The following OIP5 variants were observed in gnomAD, a reference collection of about 807,000 sequenced individuals.
OIP5 encodes Opa interacting protein 5, also known as protein Mis18-beta.
A neutral mutation model predicts 20.3 loss-of-function variants in OIP5; 24 were observed. The observed-to-expected ratio is 1.18, with a 90% confidence interval of 0.86 to 1.66. OIP5 has a LOEUF of 1.66. OIP5 is among the 40% of genes most tolerant of loss of function. The pLI is 0.00. For missense variants in OIP5, 339 were observed against 289.5 expected (o/e 1.17, Z -1.24); for synonymous variants, 143 against 121.3 (o/e 1.18, Z -1.17).
chr15:41,321,768 C>T (rs563960920), intron 2 of OIP5, among the ~76,000 whole-genome samples: 1,707 of 150,886 alleles, frequency 0.011, 30 homozygotes, highest in Non-Finnish European at 0.016. Flanking sequence ...TCTCAAGTAC[C>T]CAGGGACACA....
chr15:41,332,341 C>T lies in OIP5; in HGVS notation c.221G>A (p.Arg74Lys). 1 of 1,612,248 alleles carries T rather than the reference C, an allele frequency of 6.2e-7. No individual in the cohort carries two copies. The highest frequency in any genetic ancestry group is 1.3e-5 in the African/African-American group (1 of 75,018). ...CTGTGCGCACTGGAACACAGCGCAC[C>T]TCTCAGGCTGCAGCCAAGACGGCAG... Reference protein sequence around the residue: ...PQLPSWLQPERCAVFQCAQCH... With the variant: ...PQLPSWLQPEKCAVFQCAQCH... The change falls in exon 1 of 5, where the codon AGG becomes AAG. Residue 74 changes from arginine to lysine, a missense_variant. Transcript: ENST00000220514.
intron 2 of OIP5, among the ~76,000 whole-genome samples, chr15:41,328,922 C>T (rs910638567): frequency 6.6e-6 from 1 of 151,578 alleles, no homozygotes; most frequent in Non-Finnish European, 1.5e-5. Flanking sequence ...AAAAATTAGC[C>T]AGGCATAGTG....
At position 41,319,575 on chromosome 15, in the gene OIP5, C is replaced by A. The variant is rs2047809956; in HGVS notation, c.512+83G>T. Reference sequence around the variant, plus strand: ...AGCCTACTTTGTCTTTCCTGAAAAACCTTTTAAAATTTATTTGATGGACTT... The same window carrying A: ...AGCCTACTTTGTCTTTCCTGAAAAAACTTTTAAAATTTATTTGATGGACTT... On this transcript the variant is annotated intron_variant, in intron 3 of 4. Transcript: ENST00000220514. 28 of 1,439,760 alleles carry A rather than the reference C, an allele frequency of 1.9e-5. No homozygotes were observed. The South Asian group carries it at 3.2e-4, about 16-fold the overall frequency. The allele number at this position is 1,439,760 out of a possible 1,614,324, so 89.2% of individuals were successfully genotyped here.
At position 41,332,447 on chromosome 15, in the gene OIP5, A is replaced by G; in HGVS notation, c.115T>C (p.Trp39Arg). 1 of 1,613,670 alleles carries G rather than the reference A, an allele frequency of 6.2e-7. No individual in the cohort carries two copies. Among genetic ancestry groups the G allele is most frequent in the Non-Finnish European group, 8.5e-7 (1 of 1,179,836 alleles). Residue 39 changes from tryptophan to arginine, a missense_variant, in exon 1 of 5, where the codon TGG becomes CGG. Transcript: ENST00000220514. Reference protein sequence around the residue: ...DQASFTTSMEWDTQVVKGSSP... With the variant: ...DQASFTTSMERDTQVVKGSSP... ...GACCCCTTCACCACCTGCGTATCCC[A>G]CTCCATGGAGGTCGTAAAAGAAGCT...
intron 3 of OIP5, among the ~76,000 whole-genome samples, chr15:41,315,549 G>T (rs1439554822): frequency 2.0e-5 from 3 of 151,992 alleles, no homozygotes; most frequent in African/African-American, 7.2e-5. Context: ...GACTGTAATT[G>T]CAGCAGCCAT....
chr15:41,315,362 G>C (rs1347558986), intron 3 of OIP5, among the ~76,000 whole-genome samples: 1 of 151,256 alleles, frequency 6.6e-6, no homozygotes, highest in Non-Finnish European at 1.5e-5. Flanking sequence ...CTGGGAGGCG[G>C]AGGTTGCAAT....
intron 2 of OIP5, among the ~76,000 whole-genome samples, chr15:41,328,970 G>A (rs2047879359): frequency 6.8e-6 from 1 of 147,588 alleles, no homozygotes; most frequent in Non-Finnish European, 1.5e-5. Flanking sequence ...GGAGGCTGAG[G>A]TAGGAGAATA....
At chr15:41,319,024 G>C (rs2047805537) in intron 3 of OIP5, among the ~76,000 whole-genome samples, 1 of 151,856 alleles carries the variant, frequency 6.6e-6, no homozygotes, top group Non-Finnish European at 1.5e-5. Flanking sequence ...TTTTGTCAAA[G>C]ACAGTGCCTG....
At chr15:41,330,379 C>G (rs1267020666) in intron 2 of OIP5, among the ~76,000 whole-genome samples, 1 of 149,758 alleles carries the variant, frequency 6.7e-6, no homozygotes, top group Non-Finnish European at 1.5e-5. Context: ...GGATTATAGG[C>G]GTAAGCCACC....
chr15:41,331,163 G>T (rs2047904085), intron 2 of OIP5, among the ~76,000 whole-genome samples: 1 of 152,178 alleles, frequency 6.6e-6, no homozygotes, highest in South Asian at 2.1e-4. Context: ...TTGTCTCAAT[G>T]TTAAAGCCAA....
At chr15:41,326,510 G>A (rs929586363) in intron 2 of OIP5, among the ~76,000 whole-genome samples, 3 of 152,078 alleles carry the variant, frequency 2.0e-5, no homozygotes, top group Non-Finnish European at 2.9e-5. Context: ...CACAACCTCC[G>A]TCTCCTAGGT....
intron 3 of OIP5, among the ~76,000 whole-genome samples, chr15:41,317,398 T>G (rs76259197): frequency 6.6e-6 from 1 of 151,228 alleles, no homozygotes; most frequent in East Asian, 1.9e-4. Context: ...TTTTTTTTTT[T>G]GAGACAGAGT....
At chr15:41,312,996 A>G (rs2047768202) in intron 4 of OIP5, among the ~76,000 whole-genome samples, 1 of 152,218 alleles carries the variant, frequency 6.6e-6, no homozygotes, top group Non-Finnish European at 1.5e-5. Flanking sequence ...GGTATTTGCA[A>G]AGAAGACACC....
intron 2 of OIP5, among the ~76,000 whole-genome samples, chr15:41,320,966 C>T (rs1389014170): frequency 1.3e-5 from 2 of 151,666 alleles, no homozygotes; most frequent in East Asian, 3.9e-4. Flanking sequence ...GCGCCTCTGC[C>T]CGGCCGCGAC....
At chr15:41,330,226 C>G (rs2047888988) in intron 2 of OIP5, among the ~76,000 whole-genome samples, 1 of 151,102 alleles carries the variant, frequency 6.6e-6, no homozygotes, top group South Asian at 2.1e-4. Flanking sequence ...GGGATTACAG[C>G]CTAGCTGGGA....
chr15:41,321,022 G>A (rs1255461201), intron 2 of OIP5, among the ~76,000 whole-genome samples: 1 of 149,012 alleles, frequency 6.7e-6, no homozygotes, highest in South Asian at 2.1e-4. Context: ...GCCCCATCTT[G>A]AGAAGTGAGG....
intron 3 of OIP5, among the ~76,000 whole-genome samples, chr15:41,313,681 T>C (rs1421727920): frequency 2.6e-5 from 4 of 152,206 alleles, no homozygotes; most frequent in African/African-American, 9.6e-5. Flanking sequence ...ACATAGCATT[T>C]ACATTACGTT....
intron 2 of OIP5, among the ~76,000 whole-genome samples, chr15:41,329,402 G>A (rs1330424601): frequency 6.9e-6 from 1 of 144,772 alleles, no homozygotes; most frequent in Non-Finnish European, 1.5e-5. Flanking sequence ...TGCAACCTCT[G>A]CTTCCCAGGT....
At chr15:41,328,411 C>T (rs2047876136) in intron 2 of OIP5, among the ~76,000 whole-genome samples, 1 of 152,148 alleles carries the variant, frequency 6.6e-6, no homozygotes, top group African/African-American at 2.4e-5. Flanking sequence ...ATTCTTCTCT[C>T]GGGTTTGAAT....
Sources: gnomAD v4.1 joint callset for allele counts (sites outside exome capture counted in the v4.1 genomes callset) on GRCh38, gnomAD v4.1.1 for gene constraint, MANE v1.5 for transcripts, NCBI Gene and HGNC (gene_info 2026-07-23, HGNC 2026-07-21) for gene names.